Variants in SH3GL3 observed in about 807,000 individuals in gnomAD.
The protein encoded by SH3GL3 is endophilin-A3.
In SH3GL3, 33 loss-of-function variants were observed where a neutral mutation model predicts 47.7. That is an observed-to-expected ratio of 0.69 (90% CI 0.52 to 0.92). The LOEUF is 0.92. SH3GL3 is among the 40% of genes least tolerant of loss of function. The pLI, the probability that SH3GL3 is intolerant of heterozygous loss-of-function variation, is 0.00. For missense variants in SH3GL3, 363 were observed against 417.8 expected (o/e 0.87, Z 1.14); for synonymous variants, 155 against 148.8 (o/e 1.04, Z -0.30).
chr15:83,524,147 T>C (rs889773244), intron 1 of SH3GL3, among the ~76,000 whole-genome samples: 3 of 152,194 alleles, frequency 2.0e-5, no homozygotes, highest in African/African-American at 7.2e-5. Flanking sequence ...CAGGGAGCTC[T>C]GTGGAGCCTT....
chr15:83,559,030 A>C (rs182658275), intron 1 of SH3GL3, among the ~76,000 whole-genome samples: 1 of 152,358 alleles, frequency 6.6e-6, no homozygotes, highest in Admixed American at 6.5e-5. Flanking sequence ...TGTGTTTTAC[A>C]CATAGTAGGT....
At chr15:83,558,435 A>G (rs1330071114) in intron 1 of SH3GL3, among the ~76,000 whole-genome samples, 3 of 151,928 alleles carry the variant, frequency 2.0e-5, no homozygotes, top group Non-Finnish European at 2.9e-5. Flanking sequence ...CACATTGGCC[A>G]TACACAAATT....
intron 1 of SH3GL3, among the ~76,000 whole-genome samples, chr15:83,501,406 A>G (rs1419680989): frequency 6.6e-6 from 1 of 152,080 alleles, no homozygotes; most frequent in African/African-American, 2.4e-5. Flanking sequence ...TTATATATTT[A>G]AAAAAAATTC....
At chr15:83,531,552 G>A (rs1358025581) in intron 1 of SH3GL3, among the ~76,000 whole-genome samples, 4 of 152,194 alleles carry the variant, frequency 2.6e-5, no homozygotes, top group Non-Finnish European at 5.9e-5. Context: ...CAGGCAGATC[G>A]TGGAAGGATG....
Position 83,456,094 on chromosome 15 carries a change from G to A in SH3GL3, c.45+8516G>A, listed in dbSNP as rs1381722098. On this transcript the variant is annotated intron_variant, in intron 1 of 8. Coordinates refer to ENST00000427482, the MANE Select transcript of SH3GL3 (RefSeq NM_003027.5). ...TGTGAGATGTCAGTGTGCCCCTGATGGGGGGTGCCTCCCAGTTAGGCTGCT... is the reference window on the plus strand; with the variant it reads ...TGTGAGATGTCAGTGTGCCCCTGATAGGGGGTGCCTCCCAGTTAGGCTGCT... Among the ~76,000 whole-genome samples, 4 of 91,728 alleles carry A rather than the reference G, an allele frequency of 4.4e-5. 2 individuals carry two copies. Among genetic ancestry groups the A allele is most frequent in the Non-Finnish European group, 9.4e-5 (4 of 42,668 alleles). The allele number at this position is 91,728 out of a possible 152,430, so 60.2% of individuals were successfully genotyped here.
At chr15:83,507,454 C>T (rs375587087) in intron 1 of SH3GL3, among the ~76,000 whole-genome samples, 2 of 151,630 alleles carry the variant, frequency 1.3e-5, no homozygotes, top group African/African-American at 2.4e-5. Context: ...CTCGCTCTGT[C>T]GCCCAGGCTA....
chr15:83,619,561 G>A (rs1378364399), downstream of SH3GL3, among the ~76,000 whole-genome samples: 2 of 152,074 alleles, frequency 1.3e-5, no homozygotes, highest in Non-Finnish European at 2.9e-5. Flanking sequence ...CATGTACCCT[G>A]GTACTTAAGA....
intron 8 of SH3GL3, among the ~76,000 whole-genome samples, chr15:83,604,669 G>A (rs921608074): frequency 6.6e-6 from 1 of 152,086 alleles, no homozygotes; most frequent in Admixed American, 6.6e-5. Flanking sequence ...TACTTACTAT[G>A]GGTTAGATAT....
chr15:83,511,454 C>T (rs1016462828), intron 1 of SH3GL3, among the ~76,000 whole-genome samples: 4 of 152,184 alleles, frequency 2.6e-5, no homozygotes, highest in Non-Finnish European at 4.4e-5. Flanking sequence ...ATTTACGTGA[C>T]GTCAGATATT....
At chr15:83,583,984 G>A (rs1158010367) in intron 6 of SH3GL3, among the ~76,000 whole-genome samples, 4 of 152,144 alleles carry the variant, frequency 2.6e-5, no homozygotes, top group Non-Finnish European at 5.9e-5. Flanking sequence ...GGCTAAAGCA[G>A]CTCTGTATCA....
intron 1 of SH3GL3, among the ~76,000 whole-genome samples, chr15:83,539,886 T>A (rs1260923043): frequency 6.6e-6 from 1 of 152,110 alleles, no homozygotes; most frequent in Non-Finnish European, 1.5e-5. Context: ...TTTTGAGGTA[T>A]GGTGTAAAGC....
At chr15:83,561,089 A>G (rs2045246391) in intron 2 of SH3GL3, among the ~76,000 whole-genome samples, 1 of 152,206 alleles carries the variant, frequency 6.6e-6, no homozygotes, top group Non-Finnish European at 1.5e-5. Context: ...GACAATAATC[A>G]ATAGGCTCAT....
At chr15:83,466,371 G>A (rs2040567268) in intron 1 of SH3GL3, among the ~76,000 whole-genome samples, 1 of 151,996 alleles carries the variant, frequency 6.6e-6, no homozygotes, top group Admixed American at 6.6e-5. Flanking sequence ...GAATGTAAGT[G>A]TGTGTTTCTC....
intron 6 of SH3GL3, 134 bp from the exon 7 acceptor site, chr15:83,586,849 T>A (rs1428174041): frequency 2.6e-5 from 13 of 497,650 alleles, no homozygotes; most frequent in Non-Finnish European, 4.0e-5. Context: ...AGCTCCTACA[T>A]GAAATTAAAT....
At chr15:83,517,834 T>C (rs2043049615) in intron 1 of SH3GL3, among the ~76,000 whole-genome samples, 1 of 152,102 alleles carries the variant, frequency 6.6e-6, no homozygotes, top group African/African-American at 2.4e-5. Flanking sequence ...TGGGGTACAG[T>C]TAATCATGTC....
intron 1 of SH3GL3, chr15:83,489,222 A>T (rs566853416): frequency 1.3e-5 from 2 of 152,184 alleles, no homozygotes; most frequent in African/African-American, 4.8e-5. Context: ...TGACTCTGGG[A>T]ATCATGCTCA....
rs976810172 is a variant in SH3GL3 at position 83,472,455 on chromosome 15, A to G, written c.45+24877A>G. On this transcript the variant is annotated intron_variant, in intron 1 of 8. Coordinates refer to ENST00000427482, the MANE Select transcript of SH3GL3 (RefSeq NM_003027.5). ...CAGATTGGGTAATTTTCATTGTTCTATCTTCCAGTTCACATTTTTTTTCTC... is the reference window on the plus strand; with the variant it reads ...CAGATTGGGTAATTTTCATTGTTCTGTCTTCCAGTTCACATTTTTTTTCTC... Among the ~76,000 whole-genome samples, 6 of 151,806 alleles carry G rather than the reference A, an allele frequency of 4.0e-5. No homozygotes were observed. The East Asian group carries it at 9.7e-4, about 24-fold the overall frequency.
At chr15:83,621,699 C>A (rs1186443818), downstream of SH3GL3, among the ~76,000 whole-genome samples, 1 of 152,164 alleles carries the variant, frequency 6.6e-6, no homozygotes, top group Admixed American at 6.5e-5. Flanking sequence ...GAAGAGTTTA[C>A]AAACCTTTCT....
At chr15:83,490,993 A>C in intron 1 of SH3GL3, 1 of 1,589,244 alleles carries the variant, frequency 6.3e-7, no homozygotes, top group Non-Finnish European at 8.6e-7. Flanking sequence ...GCACTGAAAG[A>C]AGGTACAGAT....
Sources: allele counts gnomAD v4.1 joint callset (sites outside exome capture counted in the v4.1 genomes callset), GRCh38; gene constraint gnomAD v4.1.1; transcripts MANE v1.5; gene names NCBI Gene and HGNC (gene_info 2026-07-23, HGNC 2026-07-21).